The following PVT1 variants were observed in gnomAD, a reference collection of about 807,000 sequenced individuals.
PVT1 encodes the protein CXCR4/PVT1 fusion.
At chr8:127,811,755 G>A (rs886764689) in intron 2 of PVT1, among the ~76,000 whole-genome samples, 1 of 151,900 alleles carries the variant, frequency 6.6e-6, no homozygotes, top group Non-Finnish European at 1.5e-5. Flanking sequence ...TTTTTTGCCA[G>A]TTCTTTTGTA....
intron 2 of PVT1, among the ~76,000 whole-genome samples, chr8:127,825,152 A>G (rs898151878): frequency 1.4e-5 from 2 of 144,546 alleles, no homozygotes; most frequent in East Asian, 2.0e-4. Context: ...AACATTGTGT[A>G]TTTTCCTCTT....
chr8:127,912,046 G>T (rs1021712792), intron 3 of PVT1, among the ~76,000 whole-genome samples: 2 of 152,166 alleles, frequency 1.3e-5, no homozygotes, highest in African/African-American at 4.8e-5. Flanking sequence ...TGAGTGCCCT[G>T]AGTTAGGTGA....
intron 4 of PVT1, among the ~76,000 whole-genome samples, chr8:128,068,500 T>C (rs1258422522): frequency 6.6e-6 from 1 of 152,132 alleles, no homozygotes; most frequent in African/African-American, 2.4e-5. Context: ...TTTGTGTTTT[T>C]TGTTGTTGTT....
chr8:127,945,894 C>T (rs1816414199), intron 3 of PVT1, among the ~76,000 whole-genome samples: 1 of 152,234 alleles, frequency 6.6e-6, no homozygotes, highest in African/African-American at 2.4e-5. Flanking sequence ...CCAGTCAGCT[C>T]TGTGTCCTAG....
At chr8:128,092,342 C>G (rs1463517554) in intron 5 of PVT1, among the ~76,000 whole-genome samples, 1 of 152,226 alleles carries the variant, frequency 6.6e-6, no homozygotes, top group Non-Finnish European at 1.5e-5. Context: ...TTCCCTTCCC[C>G]TCCCCTGGGC....
intron 2 of PVT1, among the ~76,000 whole-genome samples, chr8:127,820,154 A>T (rs1814713146): frequency 6.6e-6 from 1 of 152,126 alleles, no homozygotes; most frequent in South Asian, 2.1e-4. Flanking sequence ...CACAGACCTG[A>T]TCTGTAATAG....
chr8:127,864,739 G>A (rs1485106353), intron 2 of PVT1, among the ~76,000 whole-genome samples: 1 of 152,022 alleles, frequency 6.6e-6, no homozygotes, highest in African/African-American at 2.4e-5. Flanking sequence ...TAGTACATAT[G>A]GGGTTTCACC....
chr8:127,908,891 C>T (rs1815856954), intron 3 of PVT1, among the ~76,000 whole-genome samples: 1 of 152,208 alleles, frequency 6.6e-6, no homozygotes, highest in South Asian at 2.1e-4. Context: ...CCGCCTCTGT[C>T]TCCCTCTCCA....
intron 2 of PVT1, among the ~76,000 whole-genome samples, chr8:127,832,787 G>A (rs1190185918): frequency 6.6e-6 from 1 of 152,160 alleles, no homozygotes; most frequent in African/African-American, 2.4e-5. Flanking sequence ...GAACCCGGGA[G>A]GCGGAGCTTG....
At position 127,873,445 on chromosome 8, in the gene PVT1, A is replaced by G. The variant is rs114008450; in HGVS notation, n.373-17144A>G. ...CAGGAGCATTCTTGGCTGCTGAAAA[A>G]TCATCATGGCTAGCTTTCACTTTCA... On this transcript the variant is annotated intron_variant and non_coding_transcript_variant, in intron 2 of 10. Transcript: ENST00000651587. 2.3e-3 allele frequency among the ~76,000 whole-genome samples: 356 copies of G among 152,272 alleles called. 2 individuals are homozygous for G. The highest frequency in any genetic ancestry group is 8.2e-3 in the African/African-American group (342 of 41,562).
intron 4 of PVT1, among the ~76,000 whole-genome samples, chr8:127,997,963 A>G (rs1339543519): frequency 1.3e-5 from 2 of 152,142 alleles, no homozygotes; most frequent in East Asian, 1.9e-4. Context: ...ATTTCATAGA[A>G]CGTACCTCTG....
chr8:127,990,985 T>C (rs1217987461), intron 4 of PVT1, among the ~76,000 whole-genome samples: 1 of 152,162 alleles, frequency 6.6e-6, no homozygotes. Flanking sequence ...TTAAAAATCC[T>C]TTCCATTGTT....
At chr8:127,853,609 T>A (rs1225708384) in intron 2 of PVT1, among the ~76,000 whole-genome samples, 1 of 151,970 alleles carries the variant, frequency 6.6e-6, no homozygotes, top group Non-Finnish European at 1.5e-5. Flanking sequence ...GGTGAAACCC[T>A]GTCTGTACTA....
intron 3 of PVT1, among the ~76,000 whole-genome samples, chr8:127,929,511 A>C (rs926558084): frequency 3.9e-5 from 6 of 152,216 alleles, no homozygotes; most frequent in Non-Finnish European, 5.9e-5. Flanking sequence ...TTTAAAAAGA[A>C]AATAAAACAC....
chr8:128,095,748 C>T (rs1331015237), intron 5 of PVT1, among the ~76,000 whole-genome samples: 1 of 152,208 alleles, frequency 6.6e-6, no homozygotes. Context: ...AGGATGATCA[C>T]GGATTTCATT....
At chr8:128,016,888 G>C (rs1817380770) in intron 4 of PVT1, among the ~76,000 whole-genome samples, 1 of 152,160 alleles carries the variant, frequency 6.6e-6, no homozygotes, top group African/African-American at 2.4e-5. Flanking sequence ...TGGGTTAGCA[G>C]CTCCCATCCT....
Position 127,951,629 on chromosome 8 carries a change from C to G in PVT1, n.783-37533C>G, listed in dbSNP as rs569457852. 4.6e-5 allele frequency among the ~76,000 whole-genome samples: 7 copies of G among 152,288 alleles called. No homozygotes were observed. The South Asian group carries it at 1.5e-3, about 32-fold the overall frequency. ...CGGTCATTACATGCCTAGACTGTGC[C>G]TGAACCTCACATTTGTCATTGCACT... On this transcript the variant is annotated intron_variant and non_coding_transcript_variant, in intron 3 of 10. Transcript: ENST00000651587.
intron 3 of PVT1, among the ~76,000 whole-genome samples, chr8:127,911,148 G>C (rs1815892723): frequency 6.6e-6 from 1 of 152,186 alleles, no homozygotes; most frequent in African/African-American, 2.4e-5. Flanking sequence ...CAGGGACTCA[G>C]AGGAGGTCAG....
chr8:127,831,713 G>C (rs1346760434), intron 2 of PVT1, among the ~76,000 whole-genome samples: 3 of 152,186 alleles, frequency 2.0e-5, no homozygotes, highest in Non-Finnish European at 2.9e-5. Flanking sequence ...CTTAAGGAAG[G>C]AGGAGAGTCA....
Sources: gnomAD v4.1 joint callset for allele counts (sites outside exome capture counted in the v4.1 genomes callset) on GRCh38, gnomAD v4.1.1 for gene constraint, MANE v1.5 for transcripts, NCBI Gene and HGNC (gene_info 2026-07-23, HGNC 2026-07-21) for gene names.